Variants in MIPEP observed in about 807,000 individuals in gnomAD.
MIPEP encodes the protein mitochondrial intermediate peptidase.
A neutral mutation model predicts 90.3 loss-of-function variants in MIPEP; 79 were observed. The ratio of observed to expected loss-of-function variants is 0.87; its 90% CI spans 0.73 to 1.05. The LOEUF is 1.05. Ranked by LOEUF, MIPEP falls within the 50% of genes least tolerant of loss-of-function variation. The pLI, the probability that MIPEP is intolerant of heterozygous loss-of-function variation, is 0.00. For synonymous variants in MIPEP, 334 were observed against 315.8 expected (o/e 1.06, Z -0.61); for missense variants, 940 against 905.6 (o/e 1.04, Z -0.49).
intron 7 of MIPEP, among the ~76,000 whole-genome samples, chr13:23,866,420 G>A (rs1425249348): frequency 1.3e-5 from 2 of 152,096 alleles, no homozygotes; most frequent in Admixed American, 6.5e-5. Flanking sequence ...AGTGCACAAG[G>A]GTGACCTGCC....
chr13:23,818,345 G>A (rs1345668206), intron 14 of MIPEP, among the ~76,000 whole-genome samples: 1 of 152,154 alleles, frequency 6.6e-6, no homozygotes, highest in Non-Finnish European at 1.5e-5. Context: ...GCTGGAACGC[G>A]AATGCGGGAG....
At chr13:23,786,571 G>A (rs1365666533) in intron 16 of MIPEP, among the ~76,000 whole-genome samples, 2 of 151,788 alleles carry the variant, frequency 1.3e-5, no homozygotes, top group Non-Finnish European at 2.9e-5. Flanking sequence ...AAAATCAATA[G>A]CAAAAGAAAG....
At chr13:23,812,475 C>T (rs932038440) in intron 14 of MIPEP, among the ~76,000 whole-genome samples, 3 of 27,736 alleles carry the variant, frequency 1.1e-4, no homozygotes, top group African/African-American at 4.0e-4. Context: ...CATCTCCACC[C>T]TGAGAAATAA....
intron 14 of MIPEP, among the ~76,000 whole-genome samples, chr13:23,830,296 AT>A (rs1177159096): frequency 6.6e-6 from 1 of 152,314 alleles, no homozygotes; most frequent in African/African-American, 2.4e-5. Flanking sequence ...TAAAATATAT[AT>A]TTTTTAAATA....
Position 23,823,201 on chromosome 13 carries a change from CG to C in MIPEP, c.1653+13038del, listed in dbSNP as rs1468458958. Among the ~76,000 whole-genome samples the C allele has an allele frequency of 7.2e-5, 11 of 152,094 alleles. No homozygotes were observed. The East Asian group carries it at 1.5e-3, about 21-fold the overall frequency. ...GTAAGGAGGAGCACTGTGTGAAAGA[CG>C]AAGGCTTGGGTGTGAGTTAGGCATC... On this transcript the variant is annotated intron_variant, in intron 14 of 18. Coordinates refer to ENST00000382172, the MANE Select transcript of MIPEP (RefSeq NM_005932.4).
At position 23,884,754 on chromosome 13, in the gene MIPEP, T is replaced by G. The variant is rs113245007; in HGVS notation, c.363+1579A>C. Among the ~76,000 whole-genome samples the G allele has an allele frequency of 9.4e-3, 1,438 of 152,358 alleles. 23 individuals are homozygous for G. Among genetic ancestry groups the G allele is most frequent in the African/African-American group, 0.034 (1,396 of 41,574 alleles). ...AAACTCCATGAAGTAACAGATTGTGTCTGTTTCATTCCTGCATGTATCCCT... is the reference window on the plus strand; with the variant it reads ...AAACTCCATGAAGTAACAGATTGTGGCTGTTTCATTCCTGCATGTATCCCT... On this transcript the variant is annotated intron_variant, in intron 2 of 18. Transcript: ENST00000382172.
At chr13:23,801,078 A>G (rs935695113) in intron 16 of MIPEP, among the ~76,000 whole-genome samples, 48 of 152,188 alleles carry the variant, frequency 3.2e-4, no homozygotes, top group African/African-American at 1.1e-3. Context: ...TTCGTTGCTT[A>G]TATTTTCCTT....
At chr13:23,845,287 T>C (rs1225411351) in intron 10 of MIPEP, among the ~76,000 whole-genome samples, 10 of 152,144 alleles carry the variant, frequency 6.6e-5, no homozygotes, top group Non-Finnish European at 1.5e-4. Context: ...ATGACAAAGC[T>C]CATTTCATGC....
intron 10 of MIPEP, 40 bp downstream of exon 10, chr13:23,858,820 T>C (rs1870157703): frequency 6.3e-7 from 1 of 1,579,602 alleles, no homozygotes; most frequent in East Asian, 2.2e-5. Context: ...ATTAGTTTCC[T>C]TTTTCCTTTT....
rs1360341268 is a variant in MIPEP at position 23,749,584 on chromosome 13, G to C, written c.2044+6961C>G. ...CAGCCCATTCTGTACAGAGTCCTTC[G>C]CAGTCACTCAGAAACTGAATCCGAC... On this transcript the variant is annotated intron_variant, in intron 18 of 18. Transcript: ENST00000382172. Among the ~76,000 whole-genome samples, 4 of 152,238 alleles carry C rather than the reference G, an allele frequency of 2.6e-5. No individual in the cohort carries two copies. The South Asian group carries it at 8.3e-4, about 32-fold the overall frequency.
At chr13:23,879,825 G>A (rs750073039) in intron 3 of MIPEP, among the ~76,000 whole-genome samples, 15 of 152,148 alleles carry the variant, frequency 9.9e-5, no homozygotes, top group Non-Finnish European at 4.4e-5. Flanking sequence ...ACTTTAGGCT[G>A]CCGTGAGGAT....
At chr13:23,763,559 G>T (rs1952568027) in intron 16 of MIPEP, among the ~76,000 whole-genome samples, 1 of 151,506 alleles carries the variant, frequency 6.6e-6, no homozygotes, top group African/African-American at 2.4e-5. Flanking sequence ...AGTGGCATTT[G>T]ATCTGAGCTA....
intron 18 of MIPEP, among the ~76,000 whole-genome samples, chr13:23,735,975 T>C (rs998277789): frequency 6.6e-6 from 1 of 152,222 alleles, no homozygotes; most frequent in African/African-American, 2.4e-5. Context: ...ATTTTGTATA[T>C]GGCCATAGTA....
intron 16 of MIPEP, among the ~76,000 whole-genome samples, chr13:23,761,217 T>A (rs1302922967): frequency 6.6e-6 from 1 of 151,938 alleles, no homozygotes; most frequent in Non-Finnish European, 1.5e-5. Flanking sequence ...GTGAACAAAC[T>A]GTTGTCCCTC....
In MIPEP at chr13:23,836,344, T is replaced by G. The variant is rs371176915; in HGVS notation, c.1549A>C (p.Arg517=). The change falls in exon 14 of 19, where the codon AGG becomes CGG. Residue 517 remains arginine, a synonymous_variant. Transcript: ENST00000382172. ...ACCTCAGCAAAATCAGTAGGGCACC[T>G]GGTCCCTAAAACAAGAAAAAAAAAA... is the stretch of plus-strand genomic sequence containing the variant. ...RTRYQHVTGT[R]CPTDFAEVPS... The G allele has an allele frequency of 7.5e-5, 118 of 1,567,926 alleles. No homozygotes were observed. The highest frequency in any genetic ancestry group is 9.6e-5 in the Non-Finnish European group (112 of 1,162,878).
intron 10 of MIPEP, among the ~76,000 whole-genome samples, chr13:23,854,747 C>G (rs374874265): frequency 2.0e-5 from 3 of 152,034 alleles, no homozygotes; most frequent in South Asian, 4.2e-4. Flanking sequence ...CAAAAATTAG[C>G]TGGGTGTGGT....
chr13:23,760,262 C>T (rs1952527906), intron 16 of MIPEP, 45 bp from the exon 17 acceptor site: 2 of 1,613,116 alleles, frequency 1.2e-6, no homozygotes, highest in South Asian at 1.1e-5. Flanking sequence ...AGTCAGTTTC[C>T]ACTTGGAGAA....
chr13:23,830,128 G>A lies in MIPEP; in HGVS notation c.1653+6112C>T, dbSNP rs563364422. Among the ~76,000 whole-genome samples, 226 of 152,234 alleles carry A rather than the reference G, an allele frequency of 1.5e-3. 2 individuals carry two copies. Among genetic ancestry groups the A allele is most frequent in the Middle Eastern group, 6.8e-3 (2 of 294 alleles). ...GATATACAGAAGAAAGTATAAAAAT[G>A]TTCACAGCAGTATCACATGAACTAG... On this transcript the variant is annotated intron_variant, in intron 14 of 18. Coordinates refer to ENST00000382172, the MANE Select transcript of MIPEP (RefSeq NM_005932.4).
intron 17 of MIPEP, among the ~76,000 whole-genome samples, chr13:23,756,986 G>T (rs769918770): frequency 2.6e-5 from 4 of 152,184 alleles, no homozygotes; most frequent in East Asian, 1.9e-4. Flanking sequence ...GAGGGTTGAT[G>T]GGGGAGGGAT....
Sources: allele counts gnomAD v4.1 joint callset (sites outside exome capture counted in the v4.1 genomes callset), GRCh38; gene constraint gnomAD v4.1.1; transcripts MANE v1.5; gene names NCBI Gene and HGNC (gene_info 2026-07-23, HGNC 2026-07-21).